SHOC1: variants seen among roughly 807,000 people sequenced by gnomAD.
SHOC1 encodes shortage in chiasmata 1, also known as protein shortage in chiasmata 1 ortholog.
In SHOC1, 136 loss-of-function variants were observed where a neutral mutation model predicts 179.2. That is an observed-to-expected ratio of 0.76 (90% CI 0.66 to 0.87). The LOEUF (loss-of-function observed/expected upper bound fraction) is 0.87, where lower values mean the gene tolerates loss of function less well. Among genes scored for constraint, SHOC1 ranks in the 40% least tolerant of loss-of-function variants. SHOC1 has a pLI of 0.00. For missense variants in SHOC1, 1,538 were observed against 1,700.8 expected (o/e 0.90, Z 1.68); for synonymous variants, 489 against 586.6 (o/e 0.83, Z 2.41).
chr9:111,727,544 G>C, intron 13 of SHOC1, 89 bp downstream of exon 13: 1 of 1,153,194 alleles, frequency 8.7e-7, no homozygotes, highest in South Asian at 2.2e-5. Flanking sequence ...TTATCTAGAA[G>C]AACTTTATCT....
intron 12 of SHOC1, 152 bp downstream of exon 12, chr9:111,738,123 CTAGAG>C (rs1833886120): frequency 3.6e-6 from 2 of 554,548 alleles, no homozygotes; most frequent in African/African-American, 4.0e-5. Context: ...AAAATGGGAC[CTAGAG>C]AAATCCAAAG....
At chr9:111,748,749 TTTCC>T (rs1374618395) in intron 8 of SHOC1, among the ~76,000 whole-genome samples, 1 of 45,480 alleles carries the variant, frequency 2.2e-5, no homozygotes, top group Non-Finnish European at 4.1e-5. Context: ...GCCTTCCTTT[TTTCC>T]TTCCTTCCTT....
chr9:111,786,171 G>A (rs315711), intron 2 of SHOC1, 136 bp from the exon 3 acceptor site: 334,838 of 591,180 alleles, frequency 0.57, 97,825 homozygotes, highest in East Asian at 0.9. Context: ...ATAAAAAACA[G>A]GCATACCTAA....
At chr9:111,721,150 A>G (rs1833028269) in intron 15 of SHOC1, among the ~76,000 whole-genome samples, 1 of 152,192 alleles carries the variant, frequency 6.6e-6, no homozygotes, top group Admixed American at 6.5e-5. Flanking sequence ...ATTATCCCCC[A>G]CTACTGAGGC....
intron 11 of SHOC1, among the ~76,000 whole-genome samples, chr9:111,741,062 G>A (rs747031794): frequency 2.6e-5 from 4 of 152,116 alleles, no homozygotes; most frequent in Non-Finnish European, 5.9e-5. Context: ...GCTAATTTCC[G>A]GCCGTTGTTA....
chr9:111,735,533 G>A (rs940445063), intron 12 of SHOC1, among the ~76,000 whole-genome samples: 2 of 152,134 alleles, frequency 1.3e-5, no homozygotes, highest in Non-Finnish European at 2.9e-5. Context: ...TTTTATGGCT[G>A]CATAGTATTC....
At chr9:111,704,964 A>C (rs1832181043) in intron 21 of SHOC1, among the ~76,000 whole-genome samples, 1 of 152,194 alleles carries the variant, frequency 6.6e-6, no homozygotes, top group South Asian at 2.1e-4. Flanking sequence ...GAATTTAAAC[A>C]AAAATTAAAT....
At chr9:111,722,327 T>A in intron 15 of SHOC1, 82 bp downstream of exon 15, 1 of 1,347,550 alleles carries the variant, frequency 7.4e-7, no homozygotes. Flanking sequence ...TTTCTGAATC[T>A]TCTATACCCA....
chr9:111,775,970 G>A lies in SHOC1; in HGVS notation c.263C>T (p.Thr88Ile). 1 of 1,610,774 alleles carries A rather than the reference G, an allele frequency of 6.2e-7. No homozygotes were observed. The highest frequency in any genetic ancestry group is 1.7e-4 in the Middle Eastern group (1 of 6,048). ...AATCTGGGTCACCATTCTTGTAATT[G>A]TTTTTCTGTGACAATATAAAATTAC... The part of the protein sequence containing the change: ...FFVEDFLEKK[T>I]ITRMVTQINC... Residue 88 changes from threonine to isoleucine, a missense_variant, in exon 5 of 28, where the codon ACA becomes ATA. Coordinates refer to ENST00000682961, the MANE Select transcript of SHOC1 (RefSeq NM_001378211.1).
intron 5 of SHOC1, among the ~76,000 whole-genome samples, chr9:111,766,952 T>G (rs917461187): frequency 1.3e-5 from 2 of 152,144 alleles, no homozygotes. Flanking sequence ...TGATGATTAG[T>G]GATGTTGAGC....
intron 5 of SHOC1, among the ~76,000 whole-genome samples, chr9:111,769,975 G>GTT: frequency 3.2e-4 from 28 of 87,792 alleles, no homozygotes; most frequent in Admixed American, 4.3e-4. Flanking sequence ...TTTATCTTCT[G>GTT]TTTTTTTTTT....
chr9:111,709,558 A>T (rs1415436814), intron 18 of SHOC1, among the ~76,000 whole-genome samples: 3 of 152,216 alleles, frequency 2.0e-5, no homozygotes, highest in African/African-American at 7.2e-5. Flanking sequence ...GAGTAAAAAC[A>T]TCTTCCAGTT....
At chr9:111,773,587 C>T (rs568065387) in intron 5 of SHOC1, among the ~76,000 whole-genome samples, 11 of 152,308 alleles carry the variant, frequency 7.2e-5, no homozygotes, top group Admixed American at 7.2e-4. Flanking sequence ...GATGGAATTA[C>T]AGGCATGAGC....
At chr9:111,793,227 C>T (rs893596627) in intron 1 of SHOC1, among the ~76,000 whole-genome samples, 20 of 152,164 alleles carry the variant, frequency 1.3e-4, no homozygotes, top group Non-Finnish European at 1.5e-5. Flanking sequence ...ACTTCCATTT[C>T]TTGGTGTTGC....
intron 1 of SHOC1, among the ~76,000 whole-genome samples, chr9:111,792,984 G>A (rs943864929): frequency 2.6e-5 from 4 of 151,794 alleles, no homozygotes; most frequent in African/African-American, 4.8e-5. Flanking sequence ...CCAGGTTCAC[G>A]CCATTCTCCT....
intron 1 of SHOC1, among the ~76,000 whole-genome samples, chr9:111,794,574 AC>A (rs987901265): frequency 2.6e-5 from 4 of 152,158 alleles, no homozygotes; most frequent in African/African-American, 9.6e-5. Flanking sequence ...ACAGAGCGAG[AC>A]CCTGTCTTAA....
chr9:111,766,041 C>T (rs1261497046), intron 5 of SHOC1, among the ~76,000 whole-genome samples: 7 of 151,830 alleles, frequency 4.6e-5, no homozygotes, highest in Admixed American at 3.9e-4. Flanking sequence ...TTCTTTTTTC[C>T]CCCTCATCCC....
chr9:111,700,250 A>G (rs1015413597), intron 23 of SHOC1, among the ~76,000 whole-genome samples: 7 of 152,046 alleles, frequency 4.6e-5, no homozygotes, highest in Non-Finnish European at 8.8e-5. Flanking sequence ...TAATACTGTC[A>G]AATCTACGGG....
At chr9:111,784,973 G>GTA (rs774672805) in intron 3 of SHOC1, among the ~76,000 whole-genome samples, 2 of 152,136 alleles carry the variant, frequency 1.3e-5, no homozygotes, top group Non-Finnish European at 2.9e-5. Flanking sequence ...TATTGCAGCT[G>GTA]TAATCAAAAT....
Sources: allele counts gnomAD v4.1 joint callset (sites outside exome capture counted in the v4.1 genomes callset), GRCh38; gene constraint gnomAD v4.1.1; transcripts MANE v1.5; gene names NCBI Gene and HGNC (gene_info 2026-07-23, HGNC 2026-07-21).